KCNT2: variants seen among roughly 807,000 people sequenced by gnomAD.
The protein encoded by KCNT2 is potassium channel subfamily T member 2.
KCNT2 carries 67 observed loss-of-function variants against 153.8 expected under a neutral mutation model. That is an observed-to-expected ratio of 0.44 (90% CI 0.36 to 0.53). The LOEUF is 0.53. Ranked by LOEUF, KCNT2 falls within the 20% of genes least tolerant of loss-of-function variation. The pLI is 0.00. For synonymous variants in KCNT2, 500 were observed against 458.8 expected, an observed-to-expected ratio of 1.09 and a Z score of -1.15; for missense variants, 975 against 1,354.8, an observed-to-expected ratio of 0.72 and a Z score of 4.40.
At chr1:196,324,198 G>A (rs1663618941) in intron 19 of KCNT2, among the ~76,000 whole-genome samples, 2 of 151,964 alleles carry the variant, frequency 1.3e-5, no homozygotes, top group Admixed American at 1.3e-4. Context: ...AATGTGGATT[G>A]TTGGATTCCC....
intron 8 of KCNT2, among the ~76,000 whole-genome samples, chr1:196,464,000 A>T (rs1677384611): frequency 6.6e-6 from 1 of 151,896 alleles, no homozygotes; most frequent in Non-Finnish European, 1.5e-5. Context: ...TATATTTAGT[A>T]ATCATTAATT....
chr1:196,337,635 C>A (rs1474158759), intron 16 of KCNT2, among the ~76,000 whole-genome samples: 1 of 152,084 alleles, frequency 6.6e-6, no homozygotes, highest in Non-Finnish European at 1.5e-5. Flanking sequence ...CAGGCTCCCA[C>A]TTTAGGGCCT....
intron 4 of KCNT2, among the ~76,000 whole-genome samples, 194 bp downstream of exon 4, chr1:196,482,137 A>C (rs1679067615): frequency 6.6e-6 from 1 of 152,136 alleles, no homozygotes; most frequent in Non-Finnish European, 1.5e-5. Context: ...ATCACGACGA[A>C]ATCCTCAAGA....
At chr1:196,390,890 C>CTTTTT (rs61134739) in intron 13 of KCNT2, among the ~76,000 whole-genome samples, 1 of 124,390 alleles carries the variant, frequency 8.0e-6, no homozygotes, top group Non-Finnish European at 1.7e-5. Flanking sequence ...CTCATTCATT[C>CTTTTT]TTTTTTTTTT....
At chr1:196,519,863 A>C (rs569908821) in intron 1 of KCNT2, among the ~76,000 whole-genome samples, 1 of 152,290 alleles carries the variant, frequency 6.6e-6, no homozygotes, top group East Asian at 1.9e-4. Context: ...ATTCTACCAG[A>C]TGTACAAGGA....
chr1:196,266,606 G>T (rs951267160), intron 25 of KCNT2, among the ~76,000 whole-genome samples: 6 of 152,066 alleles, frequency 3.9e-5, no homozygotes, highest in African/African-American at 1.4e-4. Flanking sequence ...AATATAAGTA[G>T]TTAATAAGGA....
chr1:196,419,782 TTTC>T (rs1351776989), intron 12 of KCNT2, among the ~76,000 whole-genome samples: 1 of 152,030 alleles, frequency 6.6e-6, no homozygotes, highest in South Asian at 2.1e-4. Flanking sequence ...TTTTGAATAT[TTTC>T]TTCTTTTTCT....
chr1:196,246,428 A>C (rs1374001241), intron 26 of KCNT2, among the ~76,000 whole-genome samples: 2 of 152,204 alleles, frequency 1.3e-5, no homozygotes, highest in Non-Finnish European at 2.9e-5. Context: ...AAATCATCTG[A>C]AGGTACAAAA....
chr1:196,318,254 G>A (rs1662931425), intron 20 of KCNT2, among the ~76,000 whole-genome samples: 1 of 151,706 alleles, frequency 6.6e-6, no homozygotes, highest in Non-Finnish European at 1.5e-5. Flanking sequence ...AAGTGTTCAT[G>A]AATGTGTTTT....
intron 21 of KCNT2, among the ~76,000 whole-genome samples, chr1:196,307,383 A>G (rs1661733215): frequency 6.6e-6 from 1 of 152,088 alleles, no homozygotes; most frequent in Non-Finnish European, 1.5e-5. Context: ...TCCATTCAAG[A>G]TGAAACTTAA....
At chr1:196,513,825 A>C (rs1028733530) in intron 1 of KCNT2, among the ~76,000 whole-genome samples, 5 of 152,226 alleles carry the variant, frequency 3.3e-5, no homozygotes, top group Non-Finnish European at 7.3e-5. Flanking sequence ...CTGGTTCTAC[A>C]TAGAACACAG....
At chr1:196,236,755 A>T (rs1654477588) in intron 26 of KCNT2, among the ~76,000 whole-genome samples, 1 of 151,664 alleles carries the variant, frequency 6.6e-6, no homozygotes, top group South Asian at 2.1e-4. Context: ...ATTCACTCTG[A>T]AAACATCCTC....
At chr1:196,590,447 G>A (rs953025665) in intron 1 of KCNT2, among the ~76,000 whole-genome samples, 3 of 152,104 alleles carry the variant, frequency 2.0e-5, no homozygotes, top group African/African-American at 7.2e-5. Flanking sequence ...TAGTGTAATG[G>A]TCACTGCAAT....
chr1:196,451,042 G>T, intron 8 of KCNT2, among the ~76,000 whole-genome samples: 1 of 151,090 alleles, frequency 6.6e-6, no homozygotes, highest in South Asian at 2.1e-4. Context: ...TTTTTTATTA[G>T]CTGACATTAT....
At chr1:196,257,960 C>A in intron 26 of KCNT2, 1 of 1,158,640 alleles carries the variant, frequency 8.6e-7, no homozygotes, top group Non-Finnish European at 1.1e-6. Flanking sequence ...TAAGATAATT[C>A]ATGTAATGGG....
intron 1 of KCNT2, among the ~76,000 whole-genome samples, chr1:196,566,672 T>C (rs561246504): frequency 6.6e-6 from 1 of 152,214 alleles, no homozygotes; most frequent in South Asian, 2.1e-4. Context: ...ACTGTTTTTA[T>C]AGTTTTACCA....
At chr1:196,395,435 T>C (rs974003903) in intron 13 of KCNT2, among the ~76,000 whole-genome samples, 4 of 151,634 alleles carry the variant, frequency 2.6e-5, no homozygotes, top group Non-Finnish European at 5.9e-5. Context: ...GTTATGAAGA[T>C]GACGAATAGG....
intron 1 of KCNT2, among the ~76,000 whole-genome samples, chr1:196,529,150 T>C (rs1654620912): frequency 6.6e-6 from 1 of 152,098 alleles, no homozygotes; most frequent in South Asian, 2.1e-4. Flanking sequence ...TAAAAATAAA[T>C]GCGAAACTGA....
intron 1 of KCNT2, among the ~76,000 whole-genome samples, chr1:196,581,110 A>G (rs931118666): frequency 2.0e-5 from 3 of 152,102 alleles, no homozygotes; most frequent in Non-Finnish European, 4.4e-5. Flanking sequence ...ACATTGAAAT[A>G]TTAGTATATA....
Sources: gnomAD v4.1 joint callset for allele counts (sites outside exome capture counted in the v4.1 genomes callset) on GRCh38, gnomAD v4.1.1 for gene constraint, MANE v1.5 for transcripts, NCBI Gene and HGNC (gene_info 2026-07-23, HGNC 2026-07-21) for gene names.